ASXL2: variants seen among roughly 807,000 people sequenced by gnomAD.
The protein encoded by ASXL2 is putative Polycomb group protein ASXL2.
Under a neutral mutation model 122.0 loss-of-function variants are expected in ASXL2, and 23 were observed. The observed-to-expected ratio is 0.19, with a 90% confidence interval of 0.14 to 0.27. ASXL2 has a LOEUF of 0.27. Ranked by LOEUF, ASXL2 falls within the 10% of genes least tolerant of loss-of-function variation. ASXL2 has a pLI of 1.00. For missense variants in ASXL2, 1,518 were observed against 1,713.8 expected, an observed-to-expected ratio of 0.89 and a Z score of 2.02; for synonymous variants, 650 against 637.0, an observed-to-expected ratio of 1.02 and a Z score of -0.31.
intron 3 of ASXL2, among the ~76,000 whole-genome samples, chr2:25,826,254 C>G (rs13398541): frequency 0.29 from 42,162 of 143,302 alleles, 6,148 homozygotes; most frequent in African/African-American, 0.36. Flanking sequence ...TGAAAGTGGG[C>G]TGGAAAAGTT....
At chr2:25,795,431 T>C (rs1347323067) in intron 5 of ASXL2, among the ~76,000 whole-genome samples, 2 of 152,238 alleles carry the variant, frequency 1.3e-5, no homozygotes, top group Admixed American at 6.5e-5. Context: ...TAGGGTTCTA[T>C]GGTTAATTCT....
At chr2:25,850,601 CT>C in intron 1 of ASXL2, among the ~76,000 whole-genome samples, 1 of 152,278 alleles carries the variant, frequency 6.6e-6, no homozygotes, top group South Asian at 2.1e-4. Flanking sequence ...TCTATGATCT[CT>C]TTTTTGAGAT....
At position 25,756,499 on chromosome 2, in the gene ASXL2, C is replaced by T. The variant is rs545110215; in HGVS notation, c.940-385G>A. 9.7e-5 allele frequency among the ~76,000 whole-genome samples: 14 copies of T among 143,786 alleles called. No homozygotes were observed. In the South Asian group the frequency reaches 2.7e-3, roughly 28 times the overall value. The allele number at this position is 143,786 out of a possible 152,430, so 94.3% of individuals were successfully genotyped here. The stretch of plus-strand genomic sequence containing the variant: ...AAGAAAAAAAAAAAAGAAGGATGGA[C>T]TAAAAATCTAAATGTAAATTTTAAG... On this transcript the variant is annotated intron_variant, in intron 9 of 12. Transcript: ENST00000435504.
intron 2 of ASXL2, among the ~76,000 whole-genome samples, chr2:25,836,582 A>G (rs1337832373): frequency 2.6e-5 from 4 of 152,220 alleles, no homozygotes; most frequent in Non-Finnish European, 4.4e-5. Flanking sequence ...TTCTTCATAA[A>G]CAAATTAGTA....
chr2:25,737,980 T>C lies in ASXL2; in HGVS notation c.*4049A>G, dbSNP rs1463197682. The C allele has an allele frequency of 6.6e-6, 1 of 152,150 alleles. No individual in the cohort carries two copies. The highest frequency in any genetic ancestry group is 1.9e-4 in the East Asian group (1 of 5,204). 9.4% of individuals were successfully genotyped at this position (152,150 alleles called of 1,614,324 possible). A position where few individuals can be genotyped will look rare whatever the true frequency, so the allele number is the denominator to read the frequency against. On this transcript the variant is annotated 3_prime_UTR_variant, in exon 13 of 13. Transcript: ENST00000435504. ...AGCCAGAAGGGAAAAAAATAGCTTG[T>C]GGTAAATAAGTCAATTTTCTTTTAA... is the stretch of plus-strand genomic sequence containing the variant.
At chr2:25,867,190 G>A (rs1235417253) in intron 1 of ASXL2, among the ~76,000 whole-genome samples, 2 of 151,810 alleles carry the variant, frequency 1.3e-5, no homozygotes, top group African/African-American at 4.8e-5. Flanking sequence ...GTGAGCCACC[G>A]CGCCTGGCAC....
chr2:25,801,704 C>T (rs2089001103), intron 4 of ASXL2, among the ~76,000 whole-genome samples: 1 of 152,158 alleles, frequency 6.6e-6, no homozygotes, highest in South Asian at 2.1e-4. Context: ...CCCTTTTACC[C>T]ACTCCAAATG....
chr2:25,837,089 G>C (rs1351581332), intron 2 of ASXL2, among the ~76,000 whole-genome samples: 1 of 123,084 alleles, frequency 8.1e-6, no homozygotes, highest in East Asian at 3.1e-4. Flanking sequence ...GGGGGTGGGG[G>C]GGGGGGGCGT....
chr2:25,771,834 T>C (rs1377410949), intron 5 of ASXL2, among the ~76,000 whole-genome samples: 1 of 152,202 alleles, frequency 6.6e-6, no homozygotes, highest in African/African-American at 2.4e-5. Context: ...CAGATAAAAC[T>C]TAGGAAAGAT....
chr2:25,803,759 G>T (rs981911209), intron 4 of ASXL2, among the ~76,000 whole-genome samples: 1 of 152,204 alleles, frequency 6.6e-6, no homozygotes, highest in Non-Finnish European at 1.5e-5. Context: ...TGCTGCCACT[G>T]ATCCGACAGG....
chr2:25,742,272 A>G lies in ASXL2; in HGVS notation c.4065T>C (p.Gly1355=). The G allele has an allele frequency of 6.2e-7, 1 of 1,613,958 alleles. No individual in the cohort carries two copies. The highest frequency in any genetic ancestry group is 8.5e-7 in the Non-Finnish European group (1 of 1,179,892). Residue 1355 remains glycine, a synonymous_variant, in exon 13 of 13, where the codon GGT becomes GGC. Coordinates refer to ENST00000435504, the MANE Select transcript of ASXL2 (RefSeq NM_018263.6). ...CAGTCACTGAAAATGACATGACATCACCTACATTGCTAGATACCTGGCTAC... is the reference window on the plus strand; with the variant it reads ...CAGTCACTGAAAATGACATGACATCGCCTACATTGCTAGATACCTGGCTAC... The part of the protein sequence containing the change: ...VPGSQVSSNV[G]DVMSFSVTVT...
Position 25,750,234 on chromosome 2 carries a change from G to A in ASXL2, c.1322C>T (p.Pro441Leu). Reference protein sequence around the residue: ...CKEEALQMSSPGRKEECESQG... With the variant: ...CKEEALQMSSLGRKEECESQG... ...GCTTTCACACTCTTCTTTTCTGCCT[G>A]GTGATGACATTTGCAATGCTTCTTC... is the stretch of plus-strand genomic sequence containing the variant. Residue 441 changes from proline to leucine, a missense_variant, in exon 12 of 13, where the codon CCA becomes CTA. By Grantham distance (98) the Pro-to-Leu change is moderately conservative. Coordinates refer to ENST00000435504, the MANE Select transcript of ASXL2 (RefSeq NM_018263.6). 6.2e-7 allele frequency: 1 copy of A among 1,613,972 alleles called. No homozygotes were observed. The highest frequency in any genetic ancestry group is 1.3e-5 in the African/African-American group (1 of 75,024).
intron 1 of ASXL2, among the ~76,000 whole-genome samples, chr2:25,866,989 C>T (rs896962884): frequency 2.6e-5 from 4 of 152,154 alleles, no homozygotes; most frequent in Non-Finnish European, 5.9e-5. Flanking sequence ...CAACCTCCGC[C>T]TCCCAGGTTC....
chr2:25,828,696 GC>G (rs1472512231), intron 3 of ASXL2, among the ~76,000 whole-genome samples: 2 of 150,332 alleles, frequency 1.3e-5, no homozygotes, highest in African/African-American at 4.9e-5. Flanking sequence ...GTGGTGGCAG[GC>G]ACCTGTAATC....
intron 1 of ASXL2, among the ~76,000 whole-genome samples, chr2:25,877,963 C>T (rs1385242219): frequency 1.3e-5 from 2 of 152,232 alleles, no homozygotes; most frequent in African/African-American, 4.8e-5. Flanking sequence ...CCGAGGGACG[C>T]CACGGCCCCG....
chr2:25,872,863 C>T (rs1210688546), intron 1 of ASXL2, among the ~76,000 whole-genome samples: 4 of 152,084 alleles, frequency 2.6e-5, no homozygotes, highest in South Asian at 2.1e-4. Flanking sequence ...GCACTTAGCC[C>T]AGACGGTTTC....
At chr2:25,828,548 G>A (rs111490111) in intron 3 of ASXL2, among the ~76,000 whole-genome samples, 132 of 148,008 alleles carry the variant, frequency 8.9e-4, no homozygotes, top group African/African-American at 3.0e-3. Context: ...TGTCCAGGCC[G>A]GGCACAGTAG....
At chr2:25,815,646 G>C (rs1353383949) in intron 3 of ASXL2, among the ~76,000 whole-genome samples, 1 of 152,024 alleles carries the variant, frequency 6.6e-6, no homozygotes, top group Non-Finnish European at 1.5e-5. Context: ...CCAGCTCTAA[G>C]GCCTGTGAGC....
chr2:25,743,713 T>C lies in ASXL2; in HGVS notation c.2624A>G (p.Asp875Gly). Residue 875 changes from aspartate to glycine, a missense_variant, in exon 13 of 13, where the codon GAT becomes GGT. By Grantham distance (94) the Asp-to-Gly change is moderately conservative. Transcript: ENST00000435504. ...AGTTACAGCCACTGGCACACTAGCA[T>C]CTGTCTTTGATGAGGCTGAAGGGTT... is the stretch of plus-strand genomic sequence containing the variant. ...IPNPSASSKTDASVPVAVTPS... is the reference protein window; with the variant it reads ...IPNPSASSKTGASVPVAVTPS... 1 of 1,613,966 alleles carries C rather than the reference T, an allele frequency of 6.2e-7. No homozygotes were observed. The highest frequency in any genetic ancestry group is 1.3e-5 in the African/African-American group (1 of 75,030).
Sources: gnomAD v4.1 joint callset for allele counts (sites outside exome capture counted in the v4.1 genomes callset) on GRCh38, gnomAD v4.1.1 for gene constraint, MANE v1.5 for transcripts, NCBI Gene and HGNC (gene_info 2026-07-23, HGNC 2026-07-21) for gene names.